Variants in DCAF6 observed in about 807,000 individuals in gnomAD.
DCAF6 encodes the protein DDB1- and CUL4-associated factor 6.
In DCAF6, 54 loss-of-function variants were observed where a neutral mutation model predicts 125.1. The observed-to-expected ratio is 0.43, with a 90% CI of 0.35 to 0.54. The LOEUF (loss-of-function observed/expected upper bound fraction) is 0.54, where lower values mean the gene tolerates loss of function less well. Among genes scored for constraint, DCAF6 ranks in the 20% least tolerant of loss-of-function variants. The pLI, the probability that DCAF6 is intolerant of heterozygous loss-of-function variation, is 0.01. For missense variants in DCAF6, 934 were observed against 1,161.7 expected (o/e 0.80, Z 2.85); for synonymous variants, 371 against 390.4 (o/e 0.95, Z 0.58).
rs1247417682 is a variant in DCAF6 at position 168,055,342 on chromosome 1, T to G, written c.2300+4409T>G. ...AAAATCAGGCTTAAGTTTTTTTTTT[T>G]TTTTTTTTTTTTTTTTTTAACGAAG... On this transcript the variant is annotated intron_variant, in intron 17 of 21. Transcript: ENST00000367840. 2.4e-3 allele frequency among the ~76,000 whole-genome samples: 134 copies of G among 55,362 alleles called. 23 individuals are homozygous for G. In the East Asian group the frequency reaches 0.051, roughly 21 times the overall value. The allele number at this position is 55,362 out of a possible 152,430, so 36.3% of individuals were successfully genotyped here.
chr1:168,042,970 A>G, intron 13 of DCAF6, 55 bp from the exon 14 acceptor site: 2 of 1,312,020 alleles, frequency 1.5e-6, no homozygotes, highest in East Asian at 2.3e-5. Flanking sequence ...AAAAATCCTA[A>G]AAGATCATAT....
the DCAF6 span, among the ~76,000 whole-genome samples, chr1:167,865,336 A>G: frequency 3.3e-5 from 5 of 152,360 alleles, no homozygotes; most frequent in African/African-American, 1.2e-4. Context: ...ATAAAAAGGT[A>G]TCATCCAGTT....
chr1:167,993,596 A>G (rs1355955496), intron 7 of DCAF6, among the ~76,000 whole-genome samples, 156 bp downstream of exon 7: 1 of 152,200 alleles, frequency 6.6e-6, no homozygotes, highest in Non-Finnish European at 1.5e-5. Context: ...CTAAAAACAC[A>G]AAATTAGCTG....
chr1:167,982,554 A>G (rs1571792508), intron 4 of DCAF6, among the ~76,000 whole-genome samples: 1 of 152,098 alleles, frequency 6.6e-6, no homozygotes, highest in African/African-American at 2.4e-5. Flanking sequence ...TGGATTCTGG[A>G]TATTAAACCT....
At chr1:168,072,678 A>G (rs1693265459) in intron 21 of DCAF6, among the ~76,000 whole-genome samples, 1 of 152,162 alleles carries the variant, frequency 6.6e-6, no homozygotes, top group African/African-American at 2.4e-5. Context: ...CTAGTATCAA[A>G]TCTCTAGCTA....
chr1:167,927,186 T>C, the DCAF6 span, among the ~76,000 whole-genome samples: 1 of 152,222 alleles, frequency 6.6e-6, no homozygotes, highest in Non-Finnish European at 1.5e-5. Context: ...GGCTGGAATT[T>C]GCTGTTTTCT....
At chr1:167,989,860 CAA>C (rs778642156) in intron 5 of DCAF6, among the ~76,000 whole-genome samples, 9 of 125,562 alleles carry the variant, frequency 7.2e-5, no homozygotes, top group African/African-American at 1.8e-4. Flanking sequence ...AATTCTATCT[CAA>C]AAAAAAAAAA....
the DCAF6 span, among the ~76,000 whole-genome samples, chr1:167,930,572 T>G: frequency 6.6e-6 from 1 of 152,170 alleles, no homozygotes; most frequent in African/African-American, 2.4e-5. Flanking sequence ...GAATACCAAA[T>G]TATAGATTAT....
chr1:167,899,795 G>T, the DCAF6 span, among the ~76,000 whole-genome samples: 1 of 152,128 alleles, frequency 6.6e-6, no homozygotes, highest in African/African-American at 2.4e-5. Flanking sequence ...TTGGGCTCGG[G>T]CCTTCCAAAG....
the DCAF6 span, chr1:167,883,649 T>A: frequency 6.2e-7 from 1 of 1,613,858 alleles, no homozygotes; most frequent in Non-Finnish European, 8.5e-7. Flanking sequence ...GAGAGCAGCT[T>A]TCTGTAGGTG....
intron 1 of DCAF6, among the ~76,000 whole-genome samples, chr1:167,950,025 C>T (rs1365911452): frequency 6.6e-6 from 1 of 152,122 alleles, no homozygotes; most frequent in East Asian, 1.9e-4. Flanking sequence ...TGTGTTATGC[C>T]TCTATACATG....
intron 21 of DCAF6, 28 bp from the exon 22 acceptor site, chr1:168,075,343 T>A: frequency 1.3e-6 from 2 of 1,574,170 alleles, no homozygotes; most frequent in South Asian, 1.2e-5. Flanking sequence ...AGTATTTCTC[T>A]TTGCGATTCT....
intron 19 of DCAF6, 150 bp downstream of exon 19, chr1:168,065,896 C>A: frequency 3.1e-6 from 2 of 644,842 alleles, no homozygotes; most frequent in Non-Finnish European, 4.9e-6. Context: ...TGAACTTGCA[C>A]TTCAAACACA....
intron 10 of DCAF6, among the ~76,000 whole-genome samples, chr1:168,005,226 A>G (rs1399369206): frequency 6.6e-6 from 1 of 152,080 alleles, no homozygotes; most frequent in Admixed American, 6.5e-5. Flanking sequence ...TACTTTTAAT[A>G]TACTCTCTAT....
intron 1 of DCAF6, among the ~76,000 whole-genome samples, chr1:167,937,837 T>G (rs966414430): frequency 2.6e-5 from 4 of 152,178 alleles, no homozygotes; most frequent in Non-Finnish European, 5.9e-5. Context: ...TCTTTTTTGT[T>G]TCTTCCTGTA....
chr1:167,881,065 T>C, the DCAF6 span, among the ~76,000 whole-genome samples: 1 of 152,234 alleles, frequency 6.6e-6, no homozygotes, highest in South Asian at 2.1e-4. Context: ...AAAATGGATA[T>C]ACTGTAGACC....
chr1:167,913,142 C>T, the DCAF6 span, among the ~76,000 whole-genome samples: 11 of 152,076 alleles, frequency 7.2e-5, no homozygotes, highest in Admixed American at 2.0e-4. Flanking sequence ...TGGGTACTGA[C>T]AAAGCGCGGA....
At chr1:167,955,902 T>C (rs1156811359) in intron 2 of DCAF6, among the ~76,000 whole-genome samples, 1 of 151,988 alleles carries the variant, frequency 6.6e-6, no homozygotes, top group Non-Finnish European at 1.5e-5. Context: ...GCTGGGACCA[T>C]AGGTGCATGC....
At chr1:167,995,188 A>G (rs879758331) in intron 7 of DCAF6, among the ~76,000 whole-genome samples, 7 of 152,212 alleles carry the variant, frequency 4.6e-5, no homozygotes, top group Non-Finnish European at 8.8e-5. Context: ...TTGTTACATA[A>G]TGAAAGAGTT....
Sources: allele counts gnomAD v4.1 joint callset (sites outside exome capture counted in the v4.1 genomes callset), GRCh38; gene constraint gnomAD v4.1.1; transcripts MANE v1.5; gene names NCBI Gene and HGNC (gene_info 2026-07-23, HGNC 2026-07-21).